Variants in NIBAN1 observed in about 807,000 individuals in gnomAD.
NIBAN1 encodes the protein protein Niban 1.
In NIBAN1, 81 loss-of-function variants were observed where a neutral mutation model predicts 75.1. The observed-to-expected ratio is 1.08, with a 90% CI of 0.90 to 1.30. The LOEUF (loss-of-function observed/expected upper bound fraction) is 1.30. Among genes scored for constraint, NIBAN1 ranks in the 50% most tolerant of loss-of-function variants. The pLI is 0.00. For missense variants in NIBAN1, 1,133 were observed against 1,128.1 expected (o/e 1.00, Z -0.06); for synonymous variants, 436 against 424.8 (o/e 1.03, Z -0.32).
At chr1:184,842,713 TTTGCACGATCGTGCCA>T (rs1655326637) in intron 5 of NIBAN1, among the ~76,000 whole-genome samples, 1 of 151,660 alleles carries the variant, frequency 6.6e-6, no homozygotes, top group African/African-American at 2.4e-5. Flanking sequence ...AGATTGTGCC[TTTGCACGATCGTGCCA>T]TTGCAGCCTG....
At chr1:184,887,775 G>A (rs759493093) in intron 4 of NIBAN1, 1 of 152,204 alleles carries the variant, frequency 6.6e-6, no homozygotes, top group Non-Finnish European at 1.5e-5. Flanking sequence ...ATTGTATGCA[G>A]TAAATGAGAT....
At chr1:184,947,073 C>CAAAAA (rs368783783) in intron 1 of NIBAN1, among the ~76,000 whole-genome samples, 60,641 of 146,402 alleles carry the variant, frequency 0.41, 13,152 homozygotes, top group African/African-American at 0.5. Context: ...AACTCCATCT[C>CAAAAA]AAAAAGAAAA....
At chr1:184,968,709 A>G (rs1417837805) in intron 1 of NIBAN1, among the ~76,000 whole-genome samples, 1 of 152,242 alleles carries the variant, frequency 6.6e-6, no homozygotes, top group African/African-American at 2.4e-5. Flanking sequence ...GCCGCACGTA[A>G]AAAGAAGATA....
chr1:184,899,099 T>C, intron 2 of NIBAN1, 80 bp downstream of exon 2: 12 of 1,495,234 alleles, frequency 8.0e-6, no homozygotes, highest in Middle Eastern at 1.8e-4. Flanking sequence ...ATTCAAATTA[T>C]TGTTTATTTC....
chr1:184,817,163 T>C (rs1482388764), intron 9 of NIBAN1, among the ~76,000 whole-genome samples: 1 of 152,186 alleles, frequency 6.6e-6, no homozygotes, highest in African/African-American at 2.4e-5. Context: ...CTGAAAATGA[T>C]GGTTTCCAGC....
At chr1:184,955,358 T>TTTCCTTTCCTTTCC (rs1571602561) in intron 1 of NIBAN1, among the ~76,000 whole-genome samples, 1 of 150,422 alleles carries the variant, frequency 6.6e-6, no homozygotes, top group African/African-American at 2.5e-5. Flanking sequence ...TTTCCTTTCC[T>TTTCCTTTCCTTTCC]TTTCTTTTTT....
chr1:184,950,188 T>G (rs747899492), intron 1 of NIBAN1, among the ~76,000 whole-genome samples: 1 of 152,116 alleles, frequency 6.6e-6, no homozygotes, highest in Non-Finnish European at 1.5e-5. Flanking sequence ...TTAATTTAGA[T>G]GCAGATAATC....
intron 1 of NIBAN1, 86 bp from the exon 2 acceptor site, chr1:184,899,395 T>C: frequency 7.2e-7 from 1 of 1,391,268 alleles, no homozygotes; most frequent in Non-Finnish European, 9.9e-7. Context: ...CCCTCCAGTC[T>C]CTCTGTTTCT....
chr1:184,910,359 C>T lies in NIBAN1; in HGVS notation c.56-11050G>A, dbSNP rs74652104. ...TGATGAAAACATCAAAGATTACAGA[C>T]CTCTAGAGCTGGATGGGATCACAAT... On this transcript the variant is annotated intron_variant, in intron 1 of 13. Transcript: ENST00000367511. 3.5e-3 allele frequency among the ~76,000 whole-genome samples: 529 copies of T among 152,174 alleles called. 2 individuals are homozygous for T. The highest frequency in any genetic ancestry group is 0.012 in the African/African-American group (494 of 41,520).
rs373799592 is a variant in NIBAN1 at position 184,809,990 on chromosome 1, G to A, written c.1174-1755C>T. Among the ~76,000 whole-genome samples the A allele has an allele frequency of 7.2e-5, 11 of 152,202 alleles. No homozygotes were observed. In the East Asian group the frequency reaches 1.5e-3, roughly 21 times the overall value. On this transcript the variant is annotated intron_variant, in intron 9 of 13. Coordinates refer to ENST00000367511, the MANE Select transcript of NIBAN1 (RefSeq NM_052966.4). The stretch of plus-strand genomic sequence containing the variant: ...GATAAGAATGGGGAAAATACAGAAT[G>A]GCATATGCTAAGTTGTTAACACGAG...
chr1:184,814,238 A>G lies in NIBAN1; in HGVS notation c.1173+4400T>C, dbSNP rs886870301. ...CTAAATTGGACATGGGAATAAAAGCATAACAAAGTTTTCTTGGAACATTGT... is the reference window on the plus strand; with the variant it reads ...CTAAATTGGACATGGGAATAAAAGCGTAACAAAGTTTTCTTGGAACATTGT... On this transcript the variant is annotated intron_variant, in intron 9 of 13. Transcript: ENST00000367511. 3.3e-5 allele frequency among the ~76,000 whole-genome samples: 5 copies of G among 152,352 alleles called. No individual in the cohort carries two copies. In the South Asian group the frequency reaches 8.3e-4, roughly 25 times the overall value.
intron 1 of NIBAN1, among the ~76,000 whole-genome samples, chr1:184,970,869 G>A (rs891810614): frequency 6.6e-6 from 1 of 151,878 alleles, no homozygotes; most frequent in Admixed American, 6.6e-5. Flanking sequence ...AAAATTCAAG[G>A]GTAATTTTTA....
At chr1:184,832,714 AC>A (rs1458265626) in intron 5 of NIBAN1, among the ~76,000 whole-genome samples, 1 of 152,166 alleles carries the variant, frequency 6.6e-6, no homozygotes, top group Non-Finnish European at 1.5e-5. Context: ...GCCCTTCTAA[AC>A]ATACTGGATT....
At chr1:184,899,369 G>T in intron 1 of NIBAN1, 60 bp from the exon 2 acceptor site, 1 of 1,568,886 alleles carries the variant, frequency 6.4e-7, no homozygotes, top group Non-Finnish European at 8.7e-7. Context: ...CCTATCTACA[G>T]AGTTCCAAAA....
intron 1 of NIBAN1, among the ~76,000 whole-genome samples, chr1:184,965,670 G>A (rs910624255): frequency 3.9e-5 from 6 of 152,194 alleles, no homozygotes; most frequent in Admixed American, 3.3e-4. Flanking sequence ...AGGGGAGAGG[G>A]AGGATCAGGA....
chr1:184,942,721 A>G (rs1419006500), intron 1 of NIBAN1, among the ~76,000 whole-genome samples: 1 of 148,264 alleles, frequency 6.7e-6, no homozygotes, highest in Non-Finnish European at 1.5e-5. Flanking sequence ...AAAAAGAATC[A>G]GGTTCCTCCT....
At chr1:184,861,217 T>C (rs554581108) in intron 5 of NIBAN1, among the ~76,000 whole-genome samples, 1 of 152,360 alleles carries the variant, frequency 6.6e-6, no homozygotes, top group East Asian at 1.9e-4. Context: ...TGCCAGCTCT[T>C]GCTCCAGACC....
intron 1 of NIBAN1, among the ~76,000 whole-genome samples, chr1:184,934,174 T>C (rs1657894590): frequency 6.6e-6 from 1 of 152,198 alleles, no homozygotes; most frequent in South Asian, 2.1e-4. Flanking sequence ...TGCAGCAACA[T>C]AATTGCAGCT....
intron 3 of NIBAN1, among the ~76,000 whole-genome samples, chr1:184,892,993 A>G (rs2101980459): frequency 6.6e-6 from 1 of 152,248 alleles, no homozygotes; most frequent in South Asian, 2.1e-4. Context: ...GCTGGTCTCT[A>G]ACTCCTGACC....
Sources: gnomAD v4.1 joint callset for allele counts (sites outside exome capture counted in the v4.1 genomes callset) on GRCh38, gnomAD v4.1.1 for gene constraint, MANE v1.5 for transcripts, NCBI Gene and HGNC (gene_info 2026-07-23, HGNC 2026-07-21) for gene names.